TBC1D13: variants seen among roughly 807,000 people sequenced by gnomAD.
TBC1D13 encodes epididymis secretory sperm binding protein.
A neutral mutation model predicts 53.6 loss-of-function variants in TBC1D13; 40 were observed. The ratio of observed to expected loss-of-function variants is 0.75; its 90% CI spans 0.58 to 0.97. The LOEUF (loss-of-function observed/expected upper bound fraction) is 0.97. Among genes scored for constraint, TBC1D13 ranks in the 50% least tolerant of loss-of-function variants. The pLI, the probability that TBC1D13 is intolerant of heterozygous loss-of-function variation, is 0.00. For missense variants in TBC1D13, 377 were observed against 499.4 expected (o/e 0.75, Z 2.34); for synonymous variants, 182 against 197.7 (o/e 0.92, Z 0.67).
chr9:128,789,090 G>A (rs1196529713), intron 2 of TBC1D13, among the ~76,000 whole-genome samples: 1 of 152,156 alleles, frequency 6.6e-6, no homozygotes, highest in East Asian at 1.9e-4. Flanking sequence ...GGGAGGCCAA[G>A]GCAGGTGGAT....
intron 2 of TBC1D13, among the ~76,000 whole-genome samples, 193 bp from the exon 3 acceptor site, chr9:128,790,542 C>T (rs895470518): frequency 6.6e-6 from 1 of 152,232 alleles, no homozygotes; most frequent in Non-Finnish European, 1.5e-5. Flanking sequence ...CCACTTCACT[C>T]CAGCCTAGGT....
At chr9:128,787,826 T>C (rs1829457119) in intron 1 of TBC1D13, among the ~76,000 whole-genome samples, 1 of 152,176 alleles carries the variant, frequency 6.6e-6, no homozygotes, top group South Asian at 2.1e-4. Flanking sequence ...CACTCTTCAG[T>C]TTTCCTTCAG....
intron 7 of TBC1D13, among the ~76,000 whole-genome samples, chr9:128,798,892 T>C (rs1443236187): frequency 6.6e-6 from 1 of 152,174 alleles, no homozygotes; most frequent in African/African-American, 2.4e-5. Context: ...TTTATTTTTT[T>C]AAATAGAGAC....
intron 1 of TBC1D13, 106 bp from the exon 2 acceptor site, chr9:128,788,228 G>C (rs956211976): frequency 1.5e-5 from 14 of 935,242 alleles, no homozygotes; most frequent in Middle Eastern, 2.4e-4. Context: ...TCCTAAAGGG[G>C]AGAGAGGCAC....
intron 11 of TBC1D13, among the ~76,000 whole-genome samples, chr9:128,806,663 C>T (rs1829840067): frequency 6.6e-6 from 1 of 151,974 alleles, no homozygotes; most frequent in African/African-American, 2.4e-5. Context: ...CATGGGCTCA[C>T]CGGGCGCGGT....
intron 3 of TBC1D13, 70 bp downstream of exon 3, chr9:128,790,845 A>G (rs1829520266): frequency 6.7e-7 from 1 of 1,482,396 alleles, no homozygotes; most frequent in South Asian, 1.3e-5. Context: ...GGCTGCCCCT[A>G]CCCCTGGCTT....
chr9:128,789,064 G>A (rs1829481152), intron 2 of TBC1D13, among the ~76,000 whole-genome samples: 1 of 152,176 alleles, frequency 6.6e-6, no homozygotes, highest in South Asian at 2.1e-4. Flanking sequence ...GCTCATGCCT[G>A]TAATCCCAAC....
In TBC1D13 at chr9:128,792,545, G is replaced by A. The variant is rs183803467; in HGVS notation, c.354G>A (p.Glu118=). The change falls in exon 6 of 12, where the codon GAG becomes GAA. Residue 118 remains glutamate, a synonymous_variant. Coordinates refer to ENST00000372648, the MANE Select transcript of TBC1D13 (RefSeq NM_018201.5). ...GGAACACGTACTTCAAGGACAACGA[G>A]GTGCTGCTGCAGATCGACAAAGATG... ...SRWNTYFKDN[E]VLLQIDKDVR... is the part of the protein sequence containing the mutation. 1 of 1,614,000 alleles carries A rather than the reference G, an allele frequency of 6.2e-7. No individual in the cohort carries two copies. The highest frequency in any genetic ancestry group is 8.5e-7 in the Non-Finnish European group (1 of 1,179,984).
rs775236087 is a variant in TBC1D13, at chr9:128,803,408, C to T, written c.702C>T (p.Ile234=). Residue 234 remains isoleucine (I), a synonymous_variant, in exon 8 of 12, where the codon ATC becomes ATT. Transcript: ENST00000372648. ...CTTATGTGCAAGGCATGAATGAAAT[C>T]GTGGGGCCCCTCTACTACACCTTTG... The part of the protein sequence containing the change: ...GIAYVQGMNE[I]VGPLYYTFAT... 23 of 1,614,068 alleles carry T rather than the reference C, an allele frequency of 1.4e-5. No homozygotes were observed. The highest frequency in any genetic ancestry group is 4.4e-5 in the South Asian group (4 of 91,090).
At chr9:128,790,411 TA>T (rs1490490940) in intron 2 of TBC1D13, among the ~76,000 whole-genome samples, 8 of 151,982 alleles carry the variant, frequency 5.3e-5, no homozygotes, top group African/African-American at 1.9e-4. Flanking sequence ...TTGTCTCTAC[TA>T]AAAATACAAA....
intron 7 of TBC1D13, among the ~76,000 whole-genome samples, chr9:128,799,452 G>T (rs571523761): frequency 6.6e-6 from 1 of 152,228 alleles, no homozygotes; most frequent in South Asian, 2.1e-4. Flanking sequence ...CTGCCAAGAG[G>T]ATGAAATGAG....
chr9:128,803,179 CT>C, intron 7 of TBC1D13, 70 bp from the exon 8 acceptor site: 1 of 1,439,744 alleles, frequency 6.9e-7, no homozygotes, highest in South Asian at 1.2e-5. Flanking sequence ...TCCCAAAGTG[CT>C]GGGATTTCAG....
chr9:128,803,507 A>G (rs1829774580), intron 8 of TBC1D13, 47 bp downstream of exon 8: 2 of 1,582,132 alleles, frequency 1.3e-6, no homozygotes, highest in Non-Finnish European at 8.7e-7. Flanking sequence ...GGCCCGTGTC[A>G]GGCTGTGCAC....
intron 7 of TBC1D13, among the ~76,000 whole-genome samples, chr9:128,798,068 C>A (rs1829666998): frequency 6.6e-6 from 1 of 151,998 alleles, no homozygotes; most frequent in Non-Finnish European, 1.5e-5. Flanking sequence ...GCCTGGCCAA[C>A]ATGGTGAAAC....
intron 2 of TBC1D13, among the ~76,000 whole-genome samples, chr9:128,788,617 G>T (rs532468333): frequency 6.6e-6 from 1 of 152,268 alleles, no homozygotes; most frequent in South Asian, 2.1e-4. Flanking sequence ...TTTCCCAGAG[G>T]GGCAGTGGCC....
chr9:128,787,295 AG>A lies in TBC1D13; in HGVS notation c.-58del. On this transcript the variant is annotated 5_prime_UTR_variant, in exon 1 of 12. Coordinates refer to ENST00000372648, the MANE Select transcript of TBC1D13 (RefSeq NM_018201.5). ...CCTGGGGGGCGGCGGCGGCGGCGGCAGCGCAGGCGGCAGAGGCGCAGGCGGC... is the reference window on the plus strand; with the variant it reads ...CCTGGGGGGCGGCGGCGGCGGCGGCACGCAGGCGGCAGAGGCGCAGGCGGC... 8.0e-7 allele frequency: 1 copy of A among 1,251,058 alleles called. No homozygotes were observed. The highest frequency in any genetic ancestry group is 3.1e-5 in the East Asian group (1 of 31,924). The allele number at this position is 1,251,058 out of a possible 1,614,324, so 77.5% of individuals were successfully genotyped here.
intron 6 of TBC1D13, among the ~76,000 whole-genome samples, chr9:128,793,210 G>T (rs1443276863): frequency 6.6e-6 from 1 of 152,244 alleles, no homozygotes; most frequent in Non-Finnish European, 1.5e-5. Context: ...GGAGATAGGG[G>T]CTGGACCTTG....
At chr9:128,796,252 AT>A (rs558315205) in intron 6 of TBC1D13, among the ~76,000 whole-genome samples, 247 of 142,900 alleles carry the variant, frequency 1.7e-3, no homozygotes, top group Middle Eastern at 3.6e-3. Flanking sequence ...CGCCTGGCTA[AT>A]TTTTTTTTTT....
At chr9:128,807,769 G>T in intron 11 of TBC1D13, 45 bp from the exon 12 acceptor site, 4 of 1,601,586 alleles carry the variant, frequency 2.5e-6, no homozygotes, top group Non-Finnish European at 3.4e-6. Flanking sequence ...TGTGGCAGGG[G>T]TGAAGTGGCT....
Sources: gnomAD v4.1 joint callset for allele counts (sites outside exome capture counted in the v4.1 genomes callset) on GRCh38, gnomAD v4.1.1 for gene constraint, MANE v1.5 for transcripts, NCBI Gene and HGNC (gene_info 2026-07-23, HGNC 2026-07-21) for gene names.